The following KLHL6 variants were observed in gnomAD, a reference collection of about 807,000 sequenced individuals.
The protein encoded by KLHL6 is kelch like family member 6.
Under a neutral mutation model 58.6 loss-of-function variants are expected in KLHL6, and 41 were observed. The ratio of observed to expected loss-of-function variants is 0.70; its 90% CI spans 0.55 to 0.91. The LOEUF is 0.91. Among genes scored for constraint, KLHL6 ranks in the 40% least tolerant of loss-of-function variants. The probability of loss-of-function intolerance (pLI) is 0.00; values close to 1 mark genes in which losing one functional copy is unlikely to be tolerated. For missense variants in KLHL6, 714 were observed against 805.6 expected (o/e 0.89, Z 1.38); for synonymous variants, 338 against 322.7 (o/e 1.05, Z -0.51).
rs1441687820 is a variant in KLHL6, at chr3:183,489,267, C to T, written c.*2660G>A. 2.0e-5 allele frequency: 3 copies of T among 152,164 alleles called. No individual in the cohort carries two copies. Among genetic ancestry groups the T allele is most frequent in the Non-Finnish European group, 4.4e-5 (3 of 68,036 alleles). The allele number at this position is 152,164 out of a possible 1,614,324, so 9.4% of individuals were successfully genotyped here. On this transcript the variant is annotated 3_prime_UTR_variant, in exon 7 of 7. Coordinates refer to ENST00000341319, the MANE Select transcript of KLHL6 (RefSeq NM_130446.4). ...CCCTGCAATAGTCTTTGGAGTAAGA[C>T]TGACTTTTCCTTCACAAATCAGTTC...
chr3:183,493,664 C>A, intron 5 of KLHL6: 1 of 177,612 alleles, frequency 5.6e-6, no homozygotes, highest in Admixed American at 5.6e-5. Context: ...CTAACATGAC[C>A]AAATCACTCT....
intron 2 of KLHL6, among the ~76,000 whole-genome samples, chr3:183,524,415 A>G (rs1711877291): frequency 6.6e-6 from 1 of 152,150 alleles, no homozygotes. Context: ...GTTTCTCCTC[A>G]TGATTGGCCA....
intron 1 of KLHL6, among the ~76,000 whole-genome samples, chr3:183,551,776 G>A (rs532385569): frequency 1.2e-4 from 18 of 152,240 alleles, no homozygotes; most frequent in Admixed American, 7.8e-4. Context: ...AGCCTTTGGC[G>A]CATGAGACAG....
At chr3:183,519,618 T>G (rs543091522) in intron 2 of KLHL6, among the ~76,000 whole-genome samples, 2 of 151,896 alleles carry the variant, frequency 1.3e-5, no homozygotes, top group Non-Finnish European at 2.9e-5. Flanking sequence ...ACGACCACAG[T>G]GCTCATGCCT....
chr3:183,492,726 CAAG>C lies in KLHL6; in HGVS notation c.1351-22_1351-20del, dbSNP rs754634577. On this transcript the variant is annotated intron_variant, in intron 5 of 6. Coordinates refer to ENST00000341319, the MANE Select transcript of KLHL6 (RefSeq NM_130446.4). This position sits in a 1 kb window ranked among gnomAD's most constrained non-coding sequence, Gnocchi z 5.9. ...GTGCGGCCTGTAGAGGCACAGGGCA[CAAG>C]AAGAAGCTGTCAGTCATGCTGCCCA... is the stretch of plus-strand genomic sequence containing the variant. 1.4e-5 allele frequency: 23 copies of C among 1,610,746 alleles called. No homozygotes were observed. The highest frequency in any genetic ancestry group is 2.0e-5 in the Non-Finnish European group (23 of 1,178,814).
intron 3 of KLHL6, 96 bp downstream of exon 3, chr3:183,507,963 A>G: frequency 9.0e-7 from 1 of 1,105,692 alleles, no homozygotes; most frequent in Non-Finnish European, 1.3e-6. Context: ...TTAATGCCCT[A>G]AGGATTTTTG....
intron 1 of KLHL6, among the ~76,000 whole-genome samples, chr3:183,528,708 C>T (rs187090225): frequency 6.6e-6 from 1 of 152,280 alleles, no homozygotes; most frequent in Admixed American, 6.5e-5. Flanking sequence ...TCCACCAACC[C>T]AGGAGTTGGA....
chr3:183,546,670 T>C (rs1712728194), intron 1 of KLHL6, among the ~76,000 whole-genome samples: 1 of 152,246 alleles, frequency 6.6e-6, no homozygotes, highest in South Asian at 2.1e-4. Flanking sequence ...AGTTGATTTC[T>C]GTTTCTCAGA....
intron 2 of KLHL6, chr3:183,522,803 G>C (rs567172125): frequency 6.6e-6 from 1 of 152,114 alleles, no homozygotes. Flanking sequence ...GCAGTTTTTT[G>C]TTTGTTTGTT....
At position 183,494,180 on chromosome 3, in the gene KLHL6, C is replaced by G. The variant is rs763327328; in HGVS notation, c.1249G>C (p.Val417Leu). Residue 417 changes from valine to leucine, a missense_variant, in exon 5 of 7, where the codon GTG becomes CTG. Val to Leu is a conservative substitution (Grantham distance 32, BLOSUM62 1). Coordinates refer to ENST00000341319, the MANE Select transcript of KLHL6 (RefSeq NM_130446.4). ...ACATAGACCTTGCCACCCAACACCA[C>G]CATCTTATGCCTCCAGCGGCCTATG... ...LNIGRWRHKMVVLGGKVYVIG... is the reference protein window; with the variant it reads ...LNIGRWRHKMLVLGGKVYVIG... 3.1e-6 allele frequency: 5 copies of G among 1,614,148 alleles called. No homozygotes were observed. The South Asian group carries it at 4.4e-5, about 14-fold the overall frequency.
At position 183,494,239 on chromosome 3, in the gene KLHL6, G is replaced by T. The variant is rs746791855; in HGVS notation, c.1190C>A (p.Ser397Ter). 1 of 1,613,970 alleles carries T rather than the reference G, an allele frequency of 6.2e-7. No individual in the cohort carries two copies. The highest frequency in any genetic ancestry group is 1.7e-5 in the Admixed American group (1 of 60,024). Residue 397 changes from serine to a stop codon, truncating the protein, a stop_gained, in exon 5 of 7, where the codon TCG (serine) becomes TAG (stop). Coordinates refer to ENST00000341319, the MANE Select transcript of KLHL6 (RefSeq NM_130446.4). LOFTEE classifies it high-confidence loss of function. ...CTCAATCTGAATCCACTTGTTGATC[G>T]AAGAATTATATTTCCAAACATCATG... ...TQHDVWKYNS[S>*]INKWIQIEYL... is the part of the protein sequence containing the mutation.
chr3:183,503,371 CT>C (rs1717922288), intron 3 of KLHL6, among the ~76,000 whole-genome samples: 1 of 152,254 alleles, frequency 6.6e-6, no homozygotes, highest in Non-Finnish European at 1.5e-5. Context: ...CCAAAGTTCT[CT>C]TTCAATGAAG....
intron 1 of KLHL6, among the ~76,000 whole-genome samples, chr3:183,538,003 A>C (rs1712420270): frequency 1.3e-5 from 2 of 152,216 alleles, no homozygotes; most frequent in South Asian, 4.1e-4. Flanking sequence ...GAATGAATGA[A>C]TCAACCAACT....
At chr3:183,555,032 T>G (rs1713058499) in intron 1 of KLHL6, among the ~76,000 whole-genome samples, 1 of 152,050 alleles carries the variant, frequency 6.6e-6, no homozygotes, top group African/African-American at 2.4e-5. Flanking sequence ...GGTGTTGTGG[T>G]GCATGCCTGC....
In KLHL6 at chr3:183,555,350, G is replaced by A. The variant is rs1370725417; in HGVS notation, c.293+11C>T. 1 of 1,612,294 alleles carries A rather than the reference G, an allele frequency of 6.2e-7. No homozygotes were observed. Among genetic ancestry groups the A allele is most frequent in the Non-Finnish European group, 8.5e-7 (1 of 1,178,840 alleles). ...TGCACCCAATTTGACTCTGGTCCTA[G>A]GCATGCTGACCTGAAATAGTTGCTG... On this transcript the variant is annotated intron_variant, in intron 1 of 6. Transcript: ENST00000341319.
intron 3 of KLHL6, among the ~76,000 whole-genome samples, chr3:183,507,545 C>T (rs1051057704): frequency 1.3e-5 from 2 of 152,146 alleles, no homozygotes; most frequent in Non-Finnish European, 2.9e-5. Flanking sequence ...GATCTTCCTG[C>T]CTCAGCCTCC....
chr3:183,491,961 A>C lies in KLHL6; in HGVS notation c.1832T>G (p.Ile611Ser), dbSNP rs747446367. The C allele has an allele frequency of 1.9e-6, 3 of 1,544,474 alleles. No homozygotes were observed. The East Asian group carries it at 7.0e-5, about 36-fold the overall frequency. The change falls in exon 7 of 7, where the codon ATC (isoleucine) becomes AGC (serine). Residue 611 changes from isoleucine (I) to serine (S), a missense_variant. By Grantham distance (142) the Ile-to-Ser change is moderately radical. This residue lies in a region of KLHL6 where 510 missense variants were observed against 629.7 expected (regional missense o/e 0.81). Transcript: ENST00000341319. ...SVTIRKSYTH[I>S]RRIVPGAVSV ...CACTGCTCCGGGCACGATCCTGCGG[A>C]TGTGGGTGTACGACTTCCTGATGGT...
At chr3:183,512,380 G>A (rs569920995) in intron 2 of KLHL6, among the ~76,000 whole-genome samples, 1 of 152,250 alleles carries the variant, frequency 6.6e-6, no homozygotes, top group Admixed American at 6.5e-5. Context: ...CATTTGAGGT[G>A]CAATAATAGT....
chr3:183,525,545 CA>C (rs1465778706), intron 2 of KLHL6, among the ~76,000 whole-genome samples: 3 of 152,186 alleles, frequency 2.0e-5, no homozygotes, highest in African/African-American at 4.8e-5. Flanking sequence ...CCTAATTTTA[CA>C]AATGAAAAAT....
Sources: allele counts gnomAD v4.1 joint callset (sites outside exome capture counted in the v4.1 genomes callset), GRCh38; gene constraint gnomAD v4.1.1; regional missense constraint gnomAD v4.1.1; non-coding constraint Gnocchi (gnomAD v3.1); transcripts MANE v1.5; gene names NCBI Gene and HGNC (gene_info 2026-07-23, HGNC 2026-07-21).